The following FGF13 variants were observed in gnomAD, a reference collection of about 807,000 sequenced individuals.
FGF13 encodes the protein fibroblast growth factor 13.
In FGF13, 2 loss-of-function variants were observed where a neutral mutation model predicts 19.5. The observed-to-expected ratio is 0.10, with a 90% CI of 0.04 to 0.32. FGF13 has a LOEUF of 0.32. FGF13 is among the 10% of genes least tolerant of loss of function. FGF13 has a pLI of 1.00. For synonymous variants in FGF13, 72 were observed against 76.9 expected (o/e 0.94, Z 0.33); for missense variants, 113 against 192.7 (o/e 0.59, Z 2.45).
chrX:138,814,761 C>G lies in FGF13; in HGVS notation c.217+42751G>C, dbSNP rs1334090825. On this transcript the variant is annotated intron_variant, in intron 3 of 6. Coordinates refer to the FGF13 transcript ENST00000436198. ...TCAGTGGGAATGTAAATTAGTACAG[C>G]TATCATGGAAAACAGTATGGAGGTT... Among the ~76,000 whole-genome samples, 4 of 111,037 alleles carry G rather than the reference C, an allele frequency of 3.6e-5. No individual in the cohort carries two copies. In the Admixed American group the frequency reaches 3.8e-4, roughly 11 times the overall value.
At chrX:138,869,821 A>C (rs2091348656) in intron 1 of FGF13, among the ~76,000 whole-genome samples, 1 of 112,131 alleles carries the variant, frequency 8.9e-6, no homozygotes, top group Non-Finnish European at 1.9e-5. Context: ...TGCCTGCCAC[A>C]GATTCTAATT....
intron 1 of FGF13, among the ~76,000 whole-genome samples, chrX:139,112,971 AGTGTGTGTGTGTGTGTGT>A (rs748975156): frequency 1.3e-3 from 112 of 87,752 alleles, no homozygotes; most frequent in Admixed American, 8.8e-3. Context: ...TTGATTATGT[AGTGTGTGTGTGTGTGTGT>A]GTGTGTGTGT....
At chrX:139,116,559 C>A (rs1368316508) in intron 1 of FGF13, among the ~76,000 whole-genome samples, 1 of 111,302 alleles carries the variant, frequency 9.0e-6, no homozygotes, top group East Asian at 2.8e-4. Flanking sequence ...ATGAAAAAAG[C>A]AAATATCCCT....
At chrX:138,868,867 T>C (rs5931506) in intron 1 of FGF13, among the ~76,000 whole-genome samples, 51,110 of 109,408 alleles carry the variant, frequency 0.47, 9,569 homozygotes, top group African/African-American at 0.69. Flanking sequence ...TGCCCGAAAT[T>C]TCCAGGGATG....
At chrX:139,013,995 G>A (rs2092142576) in intron 1 of FGF13, among the ~76,000 whole-genome samples, 1 of 111,046 alleles carries the variant, frequency 9.0e-6, no homozygotes, top group African/African-American at 3.3e-5. Context: ...TAAACAATAT[G>A]CTCCTGAATG....
intron 1 of FGF13, among the ~76,000 whole-genome samples, chrX:139,153,008 C>T (rs1477312737): frequency 1.8e-5 from 2 of 111,309 alleles, no homozygotes; most frequent in Non-Finnish European, 3.8e-5. Flanking sequence ...CAATTGGAGT[C>T]TAGCACTGTT....
chrX:139,076,194 T>C (rs1412575432), intron 1 of FGF13, among the ~76,000 whole-genome samples: 1 of 111,463 alleles, frequency 9.0e-6, no homozygotes, highest in East Asian at 2.8e-4. Flanking sequence ...GAACATCATA[T>C]AAATGGTTTC....
chrX:138,680,653 T>TC (rs2089718608), intron 3 of FGF13, among the ~76,000 whole-genome samples: 1 of 111,831 alleles, frequency 8.9e-6, no homozygotes, highest in Non-Finnish European at 1.9e-5. Flanking sequence ...AGATTTGCTG[T>TC]CATCCAGGCT....
At chrX:139,065,892 C>A (rs182004285) in intron 1 of FGF13, among the ~76,000 whole-genome samples, 20 of 111,690 alleles carry the variant, frequency 1.8e-4, no homozygotes, top group African/African-American at 5.2e-4. Context: ...CCACATCGCA[C>A]TTATTCTAAA....
intron 1 of FGF13, among the ~76,000 whole-genome samples, chrX:139,028,616 T>TGTGTGTGA (rs1432577338): frequency 8.1e-5 from 6 of 74,285 alleles, no homozygotes; most frequent in East Asian, 1.1e-3. Context: ...TGTGTGTGTG[T>TGTGTGTGA]GAGAGAGAGA....
intron 3 of FGF13, among the ~76,000 whole-genome samples, chrX:138,804,458 C>T (rs900417825): frequency 1.2e-4 from 14 of 112,112 alleles, no homozygotes; most frequent in Non-Finnish European, 1.9e-4. Flanking sequence ...TGGCCACAAT[C>T]ATTATTTGGA....
intron 1 of FGF13, among the ~76,000 whole-genome samples, chrX:138,971,462 G>T (rs1241409164): frequency 2.7e-5 from 3 of 111,928 alleles, no homozygotes; most frequent in African/African-American, 9.7e-5. Context: ...AAATTTGGTT[G>T]TCTTTTTTAA....
chrX:139,072,582 A>G (rs754256804), intron 1 of FGF13, among the ~76,000 whole-genome samples: 2 of 111,971 alleles, frequency 1.8e-5, no homozygotes, highest in Admixed American at 1.9e-4. Context: ...ATTGTTGCTG[A>G]TATCAGGTCC....
chrX:138,664,611 CTT>C (rs2089522837), intron 3 of FGF13, among the ~76,000 whole-genome samples: 1 of 110,630 alleles, frequency 9.0e-6, no homozygotes, highest in Admixed American at 9.6e-5. Flanking sequence ...AAAAAATTAA[CTT>C]AACAAAAAAA....
At chrX:139,030,102 TAGAC>T (rs2092221046) in intron 1 of FGF13, among the ~76,000 whole-genome samples, 1 of 111,513 alleles carries the variant, frequency 9.0e-6, no homozygotes, top group Non-Finnish European at 1.9e-5. Context: ...TTTTCAAAGT[TAGAC>T]AGAGTTAGCC....
intron 3 of FGF13, among the ~76,000 whole-genome samples, chrX:138,781,974 T>G (rs1442687340): frequency 8.9e-6 from 1 of 112,031 alleles, no homozygotes; most frequent in East Asian, 2.8e-4. Flanking sequence ...TCAAGTGGGC[T>G]TCATCCCTGG....
chrX:138,733,665 C>A (rs2124293295), intron 1 of FGF13, among the ~76,000 whole-genome samples: 1 of 111,405 alleles, frequency 9.0e-6, no homozygotes, highest in Admixed American at 9.6e-5. Context: ...CTACATTGTG[C>A]AGTTACTGTA....
At chrX:139,066,522 T>C (rs1055861375) in intron 1 of FGF13, among the ~76,000 whole-genome samples, 1 of 111,657 alleles carries the variant, frequency 9.0e-6, no homozygotes, top group East Asian at 2.8e-4. Context: ...GAGAATACTA[T>C]AAACACCTCT....
chrX:139,198,891 C>T, intron 1 of FGF13, among the ~76,000 whole-genome samples: 2 of 111,947 alleles, frequency 1.8e-5, no homozygotes, highest in Middle Eastern at 4.6e-3. Flanking sequence ...CCGGGAAACC[C>T]ACACTCTTAG....
Sources: allele counts gnomAD v4.1 joint callset (sites outside exome capture counted in the v4.1 genomes callset), GRCh38; gene constraint gnomAD v4.1.1; transcripts MANE v1.5; gene names NCBI Gene and HGNC (gene_info 2026-07-23, HGNC 2026-07-21).